DCC: variants seen among roughly 807,000 people sequenced by gnomAD.
The protein encoded by DCC is DCC netrin 1 receptor, also known as netrin receptor DCC.
DCC carries 58 observed loss-of-function variants against 172.5 expected under a neutral mutation model. That is an observed-to-expected ratio of 0.34 (90% CI 0.27 to 0.42). The LOEUF is 0.42. Among genes scored for constraint, DCC ranks in the 10% least tolerant of loss-of-function variants. The pLI, the probability that DCC is intolerant of heterozygous loss-of-function variation, is 1.00. For synonymous variants in DCC, 709 were observed against 644.5 expected (o/e 1.10, Z -1.52); for missense variants, 1,740 against 1,791.0 (o/e 0.97, Z 0.51).
chr18:52,390,449 A>G (rs1354187969), intron 1 of DCC, among the ~76,000 whole-genome samples: 4 of 152,094 alleles, frequency 2.6e-5, no homozygotes, highest in Admixed American at 2.6e-4. Context: ...AGACACTCCA[A>G]TTTAGTAGCA....
chr18:53,339,569 T>C, intron 14 of DCC, 144 bp from the exon 15 acceptor site: 2 of 724,200 alleles, frequency 2.8e-6, no homozygotes, highest in Non-Finnish European at 4.9e-6. Context: ...ATATATCATA[T>C]GCTAAAATAA....
At chr18:53,021,919 A>G (rs897026022) in intron 5 of DCC, among the ~76,000 whole-genome samples, 1 of 152,222 alleles carries the variant, frequency 6.6e-6, no homozygotes, top group African/African-American at 2.4e-5. Flanking sequence ...GGTTTCACCT[A>G]CAAATAACTA....
intron 2 of DCC, among the ~76,000 whole-genome samples, chr18:52,819,000 A>C (rs1029206939): frequency 1.3e-5 from 2 of 152,230 alleles, no homozygotes; most frequent in African/African-American, 4.8e-5. Context: ...GGAGTTAGGC[A>C]AATAAGCATT....
chr18:53,324,737 A>G (rs2043145), intron 14 of DCC, among the ~76,000 whole-genome samples: 45,337 of 152,078 alleles, frequency 0.3, 8,639 homozygotes, highest in Non-Finnish European at 0.44. Context: ...AAGAGTGGTC[A>G]CAATAAACTA....
chr18:52,869,295 C>T (rs1468131337), intron 2 of DCC, among the ~76,000 whole-genome samples: 1 of 152,208 alleles, frequency 6.6e-6, no homozygotes. Flanking sequence ...GTAGGCAGCT[C>T]CTCTTTGTAG....
intron 19 of DCC, among the ~76,000 whole-genome samples, chr18:53,405,190 T>TTAA (rs1555666459): frequency 7.2e-6 from 1 of 139,100 alleles, no homozygotes; most frequent in Non-Finnish European, 1.5e-5. Flanking sequence ...TAATAAAAAG[T>TTAA]AAAAAAAAAA....
intron 25 of DCC, chr18:53,480,770 GAAT>G (rs909933717): frequency 3.9e-5 from 6 of 152,094 alleles, no homozygotes; most frequent in African/African-American, 1.2e-4. Context: ...AACAGAGCGT[GAAT>G]AATTTGCTCT....
intron 12 of DCC, among the ~76,000 whole-genome samples, chr18:53,265,683 G>A (rs950416532): frequency 2.0e-5 from 3 of 152,176 alleles, no homozygotes; most frequent in Admixed American, 1.3e-4. Context: ...ATGGAAAAAT[G>A]CCAATGCAGG....
At chr18:53,121,195 A>ATC in intron 7 of DCC, among the ~76,000 whole-genome samples, 1 of 152,034 alleles carries the variant, frequency 6.6e-6, no homozygotes, top group East Asian at 1.9e-4. Context: ...AGCCAGAGTT[A>ATC]GACAGACATG....
At chr18:52,739,591 T>A (rs1276145719) in intron 1 of DCC, among the ~76,000 whole-genome samples, 1 of 152,210 alleles carries the variant, frequency 6.6e-6, no homozygotes, top group Non-Finnish European at 1.5e-5. Flanking sequence ...GAAGACTTTC[T>A]GTCTCTGCAC....
At chr18:52,995,006 G>A (rs1371092154) in intron 5 of DCC, among the ~76,000 whole-genome samples, 1 of 151,968 alleles carries the variant, frequency 6.6e-6, no homozygotes. Flanking sequence ...GAAACTAACA[G>A]CATTTTAAGA....
chr18:52,792,175 G>A (rs1258749831), intron 2 of DCC, among the ~76,000 whole-genome samples: 1 of 151,794 alleles, frequency 6.6e-6, no homozygotes, highest in Non-Finnish European at 1.5e-5. Flanking sequence ...AGGGCAGAGA[G>A]TGATGCTCAC....
chr18:53,090,159 T>A (rs1279233099), intron 7 of DCC, among the ~76,000 whole-genome samples: 1 of 152,190 alleles, frequency 6.6e-6, no homozygotes, highest in Non-Finnish European at 1.5e-5. Flanking sequence ...CATTGTCGCT[T>A]GGTATATTAA....
chr18:52,718,017 G>A (rs2036413413), intron 1 of DCC, among the ~76,000 whole-genome samples: 1 of 152,168 alleles, frequency 6.6e-6, no homozygotes. Flanking sequence ...TGACAGCTCA[G>A]GAGATTAGCT....
intron 12 of DCC, among the ~76,000 whole-genome samples, chr18:53,297,714 A>G (rs2057084531): frequency 6.6e-6 from 1 of 152,220 alleles, no homozygotes; most frequent in Admixed American, 6.5e-5. Context: ...TCTCATATAG[A>G]AAATAAGATG....
intron 1 of DCC, among the ~76,000 whole-genome samples, chr18:52,437,434 G>A (rs1243789098): frequency 1.3e-5 from 2 of 152,198 alleles, no homozygotes; most frequent in Non-Finnish European, 1.5e-5. Context: ...CCTCTGAACA[G>A]CAGCTGGAAA....
chr18:52,997,591 G>A (rs540372902), intron 5 of DCC, among the ~76,000 whole-genome samples: 3 of 152,148 alleles, frequency 2.0e-5, no homozygotes, highest in Admixed American at 6.6e-5. Flanking sequence ...TTTCTGCCAC[G>A]ATTGTGGATT....
intron 2 of DCC, among the ~76,000 whole-genome samples, chr18:52,832,476 T>G: frequency 6.6e-6 from 1 of 151,946 alleles, no homozygotes; most frequent in East Asian, 1.9e-4. Context: ...ACCCCAAAAT[T>G]TATGCATATA....
chr18:52,702,051 G>A (rs138213020), intron 1 of DCC, among the ~76,000 whole-genome samples: 26 of 152,236 alleles, frequency 1.7e-4, no homozygotes, highest in African/African-American at 6.3e-4. Context: ...GGGGGTAATG[G>A]CACAGGGATC....
Sources: gnomAD v4.1 joint callset for allele counts (sites outside exome capture counted in the v4.1 genomes callset) on GRCh38, gnomAD v4.1.1 for gene constraint, MANE v1.5 for transcripts, NCBI Gene and HGNC (gene_info 2026-07-23, HGNC 2026-07-21) for gene names.